Variants in CD2AP observed in about 807,000 individuals in gnomAD.
The protein encoded by CD2AP is CD2 associated protein, also known as CD2-associated protein.
In CD2AP, 46 loss-of-function variants were observed where a neutral mutation model predicts 85.1. The observed-to-expected ratio is 0.54, with a 90% CI of 0.43 to 0.69. The LOEUF (loss-of-function observed/expected upper bound fraction) is 0.69. Among genes scored for constraint, CD2AP ranks in the 30% least tolerant of loss-of-function variants. The pLI, the probability that CD2AP is intolerant of heterozygous loss-of-function variation, is 0.00. For synonymous variants in CD2AP, 255 were observed against 252.9 expected, an observed-to-expected ratio of 1.01 and a Z score of -0.08; for missense variants, 769 against 729.5, an observed-to-expected ratio of 1.05 and a Z score of -0.62.
intron 5 of CD2AP, among the ~76,000 whole-genome samples, chr6:47,569,581 G>A (rs1768095922): frequency 6.6e-6 from 1 of 151,492 alleles, no homozygotes; most frequent in African/African-American, 2.4e-5. Context: ...AAGAAACCCT[G>A]ATGGATTGTT....
chr6:47,571,598 T>C (rs1480625721), intron 5 of CD2AP, among the ~76,000 whole-genome samples: 1 of 152,176 alleles, frequency 6.6e-6, no homozygotes, highest in Non-Finnish European at 1.5e-5. Flanking sequence ...GCACCAGAAC[T>C]GTTCTTGGGT....
At chr6:47,545,468 A>C (rs7767939) in intron 4 of CD2AP, among the ~76,000 whole-genome samples, 131,824 of 152,098 alleles carry the variant, frequency 0.87, 57,536 homozygotes, top group Non-Finnish European at 0.92. Flanking sequence ...TCTAAGGCCC[A>C]GCCTATCACC....
At chr6:47,533,856 A>C (rs935663630) in intron 3 of CD2AP, 101 bp downstream of exon 3, 23 of 1,159,042 alleles carry the variant, frequency 2.0e-5, no homozygotes, top group Non-Finnish European at 2.8e-5. Flanking sequence ...TTTGTAGACA[A>C]CTACAGTAAC....
chr6:47,521,262 G>T (rs1040051673), intron 2 of CD2AP, among the ~76,000 whole-genome samples: 2 of 152,072 alleles, frequency 1.3e-5, no homozygotes, highest in Non-Finnish European at 2.9e-5. Context: ...ATTAGAAGTG[G>T]CATAGTAGGC....
chr6:47,541,543 C>A (rs375449300), intron 3 of CD2AP, among the ~76,000 whole-genome samples: 39 of 152,310 alleles, frequency 2.6e-4, no homozygotes, highest in African/African-American at 9.4e-4. Context: ...TATTTGGAGA[C>A]TCAATTATTT....
chr6:47,526,947 A>T (rs1461974720), intron 2 of CD2AP, among the ~76,000 whole-genome samples: 1 of 152,140 alleles, frequency 6.6e-6, no homozygotes, highest in Non-Finnish European at 1.5e-5. Flanking sequence ...CAGTCTGAAA[A>T]CTGTGAGGTT....
intron 4 of CD2AP, among the ~76,000 whole-genome samples, chr6:47,549,022 C>G (rs1388241660): frequency 1.3e-5 from 2 of 152,074 alleles, no homozygotes; most frequent in Non-Finnish European, 2.9e-5. Flanking sequence ...GATTAAAACT[C>G]TCAGCAAAAT....
At chr6:47,599,241 A>G in intron 12 of CD2AP, 60 bp from the exon 13 acceptor site, 2 of 1,405,908 alleles carry the variant, frequency 1.4e-6, no homozygotes, top group Non-Finnish European at 2.0e-6. Flanking sequence ...ATTAAATCAC[A>G]ATTTAAAAAA....
chr6:47,563,064 A>G (rs1292915165), intron 5 of CD2AP: 2 of 287,248 alleles, frequency 7.0e-6, no homozygotes, highest in Admixed American at 4.4e-5. Context: ...TAGTTTGAGG[A>G]ATAGTTTGAA....
intron 1 of CD2AP, among the ~76,000 whole-genome samples, chr6:47,484,170 A>G (rs916854643): frequency 3.3e-5 from 5 of 152,094 alleles, no homozygotes; most frequent in African/African-American, 4.8e-5. Context: ...TTTAGACAGT[A>G]GCTCACAGTA....
At chr6:47,615,756 T>A (rs906278658) in intron 17 of CD2AP, among the ~76,000 whole-genome samples, 2 of 148,806 alleles carry the variant, frequency 1.3e-5, no homozygotes, top group Non-Finnish European at 3.0e-5. Flanking sequence ...GCAATGGAGC[T>A]GAAATTTAAT....
chr6:47,483,937 T>C (rs1034212952), intron 1 of CD2AP, among the ~76,000 whole-genome samples: 12 of 152,176 alleles, frequency 7.9e-5, no homozygotes, highest in African/African-American at 2.9e-4. Flanking sequence ...TAAGCAGTTA[T>C]AACTGCAAAT....
In CD2AP at chr6:47,602,757, T is replaced by C. The variant is rs116409287; in HGVS notation, c.1417+3314T>C. ...AAAAAAAAAAAGCTGGGCATGATGGTGTGCACCTGTAGTCCCATGGTGTAG... is the reference window on the plus strand; with the variant it reads ...AAAAAAAAAAAGCTGGGCATGATGGCGTGCACCTGTAGTCCCATGGTGTAG... On this transcript the variant is annotated intron_variant, in intron 13 of 17. Coordinates refer to ENST00000359314, the MANE Select transcript of CD2AP (RefSeq NM_012120.3). Among the ~76,000 whole-genome samples the C allele has an allele frequency of 7.9e-3, 1,186 of 149,464 alleles. 12 individuals are homozygous for C. The highest frequency in any genetic ancestry group is 0.027 in the African/African-American group (1,106 of 40,752).
chr6:47,602,035 GT>G lies in CD2AP; in HGVS notation c.1417+2596del, dbSNP rs1769153634. Among the ~76,000 whole-genome samples, 11 of 151,776 alleles carry G rather than the reference GT, an allele frequency of 7.2e-5. No homozygotes were observed. The South Asian group carries it at 2.3e-3, about 32-fold the overall frequency. On this transcript the variant is annotated intron_variant, in intron 13 of 17. Coordinates refer to ENST00000359314, the MANE Select transcript of CD2AP (RefSeq NM_012120.3). ...TTCCTTCTTTCCTCCCTCCTCCATT[GT>G]TTTAAACCCATCCCATTTTGTTTTT...
rs756464734 is a variant in CD2AP, at chr6:47,491,263, GTGTGTGTA to G, written c.5-12009_5-12002del. On this transcript the variant is annotated intron_variant, in intron 1 of 17. Coordinates refer to ENST00000359314, the MANE Select transcript of CD2AP (RefSeq NM_012120.3). The stretch of plus-strand genomic sequence containing the variant: ...ATATATTTCTTTCTTCCTGATATGT[GTGTGTGTA>G]TGTGTGTGTGTGTGTGTGTGTGTGT... 9.6e-3 allele frequency among the ~76,000 whole-genome samples: 975 copies of G among 101,196 alleles called. 3 individuals carry two copies. The highest frequency in any genetic ancestry group is 0.018 in the African/African-American group (465 of 25,684). 66.4% of individuals were successfully genotyped at this position (101,196 alleles called of 152,430 possible).
intron 4 of CD2AP, among the ~76,000 whole-genome samples, chr6:47,552,437 G>A (rs1039419084): frequency 6.6e-6 from 1 of 152,024 alleles, no homozygotes; most frequent in Non-Finnish European, 1.5e-5. Flanking sequence ...TAGAATAATA[G>A]CCTCCAGTTC....
intron 5 of CD2AP, among the ~76,000 whole-genome samples, chr6:47,558,562 T>A (rs1043151962): frequency 6.6e-6 from 1 of 152,258 alleles, no homozygotes; most frequent in Non-Finnish European, 1.5e-5. Flanking sequence ...AGGCCTTTTC[T>A]GCATCTATTG....
At chr6:47,549,669 A>G (rs1030058659) in intron 4 of CD2AP, among the ~76,000 whole-genome samples, 4 of 151,904 alleles carry the variant, frequency 2.6e-5, no homozygotes, top group African/African-American at 7.2e-5. Flanking sequence ...CAGAATTCCT[A>G]TACATACCAC....
intron 13 of CD2AP, among the ~76,000 whole-genome samples, chr6:47,605,898 G>C (rs898984289): frequency 6.6e-6 from 1 of 151,760 alleles, no homozygotes; most frequent in Non-Finnish European, 1.5e-5. Flanking sequence ...TTTTTGTTGA[G>C]ATCTAGGTCT....
Sources: gnomAD v4.1 joint callset for allele counts (sites outside exome capture counted in the v4.1 genomes callset) on GRCh38, gnomAD v4.1.1 for gene constraint, MANE v1.5 for transcripts, NCBI Gene and HGNC (gene_info 2026-07-23, HGNC 2026-07-21) for gene names.